Variants in ERBB4 observed in about 807,000 individuals in gnomAD.
ERBB4 encodes the protein receptor tyrosine-protein kinase erbB-4.
In ERBB4, 42 loss-of-function variants were observed where a neutral mutation model predicts 158.0. The observed-to-expected ratio is 0.27, with a 90% confidence interval of 0.21 to 0.34. The LOEUF is 0.34. Ranked by LOEUF, ERBB4 falls within the 10% of genes least tolerant of loss-of-function variation. ERBB4 has a pLI of 1.00. For synonymous variants in ERBB4, 583 were observed against 558.7 expected (o/e 1.04, Z -0.61); for missense variants, 1,333 against 1,624.1 (o/e 0.82, Z 3.08).
At chr2:211,837,827 A>G (rs1217749300) in intron 3 of ERBB4, among the ~76,000 whole-genome samples, 1 of 152,136 alleles carries the variant, frequency 6.6e-6, no homozygotes, top group Non-Finnish European at 1.5e-5. Context: ...CAGGTATTAT[A>G]CAGGGTAGCA....
At chr2:212,124,463 G>T (rs2079856655) in intron 2 of ERBB4, 7 of 409,884 alleles carry the variant, frequency 1.7e-5, no homozygotes, top group South Asian at 1.6e-4. Context: ...CTAGTTCACA[G>T]CTTGTCAGAA....
chr2:212,279,505 A>G (rs1054938567), intron 1 of ERBB4, among the ~76,000 whole-genome samples: 2 of 151,696 alleles, frequency 1.3e-5, no homozygotes, highest in African/African-American at 2.4e-5. Flanking sequence ...CCACATAATT[A>G]TCATCAAAGC....
intron 25 of ERBB4, among the ~76,000 whole-genome samples, chr2:211,413,519 C>T (rs1391593455): frequency 6.6e-6 from 1 of 152,016 alleles, no homozygotes; most frequent in Non-Finnish European, 1.5e-5. Flanking sequence ...CCTGAGACTA[C>T]AATCATTTAT....
intron 20 of ERBB4, 112 bp downstream of exon 20, chr2:211,561,791 T>C (rs992258138): frequency 1.0e-6 from 1 of 956,510 alleles, no homozygotes; most frequent in Admixed American, 1.8e-5. Context: ...GCAGCAAATA[T>C]ACTTTATTTT....
At chr2:211,390,786 A>G (rs2062783505) in intron 25 of ERBB4, among the ~76,000 whole-genome samples, 1 of 152,202 alleles carries the variant, frequency 6.6e-6, no homozygotes. Context: ...GCCAAATAGC[A>G]TCACAGTAAT....
intron 3 of ERBB4, among the ~76,000 whole-genome samples, chr2:211,918,933 A>G (rs1000592459): frequency 2.6e-5 from 4 of 152,096 alleles, no homozygotes; most frequent in African/African-American, 9.7e-5. Context: ...TTTTGTCACC[A>G]CCACATAATC....
In ERBB4 at chr2:211,692,747, A is replaced by C. The variant is rs186922753; in HGVS notation, c.1489+9220T>G. Among the ~76,000 whole-genome samples the C allele has an allele frequency of 9.8e-4, 149 of 152,296 alleles. 1 individual carries two copies. Among genetic ancestry groups the C allele is most frequent in the African/African-American group, 3.3e-3 (138 of 41,566 alleles). Reference sequence around the variant, plus strand: ...CCACTCAAATAACTTTAGGATAATCATTCTATTTTAAGATCTATAACATCT... The same window carrying C: ...CCACTCAAATAACTTTAGGATAATCCTTCTATTTTAAGATCTATAACATCT... On this transcript the variant is annotated intron_variant, in intron 12 of 27. Transcript: ENST00000342788.
At chr2:212,084,135 G>A (rs1013409593) in intron 2 of ERBB4, among the ~76,000 whole-genome samples, 1 of 151,808 alleles carries the variant, frequency 6.6e-6, no homozygotes, top group African/African-American at 2.4e-5. Context: ...ATTGAGAGTC[G>A]ATTGTACACA....
chr2:211,722,510 C>T lies in ERBB4; in HGVS notation c.766G>A (p.Gly256Arg), dbSNP rs1443253742. The change falls in exon 7 of 28, where the codon GGA becomes AGA. Residue 256 changes from glycine to arginine, a missense_variant. By Grantham distance (125) the Gly-to-Arg change is moderately radical (BLOSUM62 -2). Transcript: ENST00000342788. Reference protein sequence around the residue: ...CFACMNFNDSGACVTQCPQTF... With the variant: ...CFACMNFNDSRACVTQCPQTF... Reference sequence around the variant, plus strand: ...TGGGGACACTGAGTAACACATGCTCCACTGTCATTGAAATTCATGCAGGCC... The same window carrying T: ...TGGGGACACTGAGTAACACATGCTCTACTGTCATTGAAATTCATGCAGGCC... 1 of 1,614,034 alleles carries T rather than the reference C, an allele frequency of 6.2e-7. No homozygotes were observed. Among genetic ancestry groups the T allele is most frequent in the East Asian group, 2.2e-5 (1 of 44,862 alleles).
intron 3 of ERBB4, among the ~76,000 whole-genome samples, chr2:211,926,929 G>A (rs141555424): frequency 6.5e-4 from 99 of 152,050 alleles, no homozygotes; most frequent in African/African-American, 2.1e-3. Context: ...GTTATACTTA[G>A]TCAATGTGAT....
chr2:212,065,931 T>C (rs1395208032), intron 2 of ERBB4, among the ~76,000 whole-genome samples: 1 of 152,062 alleles, frequency 6.6e-6, no homozygotes, highest in Admixed American at 6.6e-5. Flanking sequence ...ACCGGAATTA[T>C]TTAATAAGTA....
At chr2:212,414,723 G>A (rs972406362) in intron 1 of ERBB4, among the ~76,000 whole-genome samples, 2 of 152,038 alleles carry the variant, frequency 1.3e-5, no homozygotes, top group Non-Finnish European at 2.9e-5. Flanking sequence ...CTTTCTTTCT[G>A]TTTCATATGA....
At chr2:211,641,797 A>G (rs1023143056) in intron 16 of ERBB4, among the ~76,000 whole-genome samples, 1 of 152,054 alleles carries the variant, frequency 6.6e-6, no homozygotes, top group African/African-American at 2.4e-5. Flanking sequence ...TTTCAAGAAT[A>G]TTTGTTTTTA....
At chr2:212,417,849 T>G (rs1031684629) in intron 1 of ERBB4, among the ~76,000 whole-genome samples, 3 of 152,036 alleles carry the variant, frequency 2.0e-5, no homozygotes, top group Non-Finnish European at 4.4e-5. Flanking sequence ...AATATTTGTA[T>G]TCTCTCAATA....
intron 19 of ERBB4, among the ~76,000 whole-genome samples, chr2:211,597,866 A>T (rs2068684823): frequency 6.6e-6 from 1 of 152,212 alleles, no homozygotes; most frequent in Admixed American, 6.5e-5. Flanking sequence ...TTTTAAGAGT[A>T]ACTAAAATTT....
At chr2:212,460,965 AG>A (rs1688541321) in intron 1 of ERBB4, among the ~76,000 whole-genome samples, 1 of 152,142 alleles carries the variant, frequency 6.6e-6, no homozygotes, top group Non-Finnish European at 1.5e-5. Context: ...CAGCCTAGGG[AG>A]TTGGTGCCAT....
At position 211,673,193 on chromosome 2, in the gene ERBB4, C is replaced by G; in HGVS notation, c.1687G>C (p.Glu563Gln). ...VECDPQCEKM[E>Q]DGLLTCHGPG... is the part of the protein sequence containing the mutation. The stretch of plus-strand genomic sequence containing the variant: ...CCATGGCATGTGAGGAGGCCATCTT[C>G]CATCTTCTCACACTGGGGGTCACAC... Residue 563 changes from glutamate to glutamine, a missense_variant, in exon 14 of 28, where the codon GAA (glutamate) becomes CAA (glutamine). Glu to Gln is a conservative substitution (Grantham distance 29, BLOSUM62 2). This residue lies in a region of ERBB4 where 245 missense variants were observed against 247.5 expected (regional missense o/e 0.99). Coordinates refer to ENST00000342788, the MANE Select transcript of ERBB4 (RefSeq NM_005235.3). The G allele has an allele frequency of 6.2e-7, 1 of 1,613,726 alleles. No individual in the cohort carries two copies. The highest frequency in any genetic ancestry group is 8.5e-7 in the Non-Finnish European group (1 of 1,179,696).
At chr2:212,094,934 T>C (rs1237484993) in intron 2 of ERBB4, among the ~76,000 whole-genome samples, 1 of 152,200 alleles carries the variant, frequency 6.6e-6, no homozygotes, top group Admixed American at 6.5e-5. Context: ...ATTACTTTCA[T>C]TAAAGGAAAT....
At chr2:212,456,625 T>C (rs1448759547) in intron 1 of ERBB4, among the ~76,000 whole-genome samples, 3 of 151,902 alleles carry the variant, frequency 2.0e-5, no homozygotes, top group Non-Finnish European at 4.4e-5. Flanking sequence ...AATATTCTTC[T>C]AGGAGTTTTT....
Sources: gnomAD v4.1 joint callset for allele counts (sites outside exome capture counted in the v4.1 genomes callset) on GRCh38, gnomAD v4.1.1 for gene constraint, gnomAD v4.1.1 regional missense constraint, MANE v1.5 for transcripts, NCBI Gene and HGNC (gene_info 2026-07-23, HGNC 2026-07-21) for gene names.